SRD5A2: variants seen among roughly 807,000 people sequenced by gnomAD.
SRD5A2 encodes the protein 3-oxo-5-alpha-steroid 4-dehydrogenase 2.
SRD5A2 carries 30 observed loss-of-function variants against 27.4 expected under a neutral mutation model. The observed-to-expected ratio is 1.10, with a 90% CI of 0.82 to 1.49. The LOEUF (loss-of-function observed/expected upper bound fraction) is 1.49. Among genes scored for constraint, SRD5A2 ranks in the 40% most tolerant of loss-of-function variants. The pLI is 0.00. For synonymous variants in SRD5A2, 141 were observed against 133.6 expected (o/e 1.06, Z -0.38); for missense variants, 348 against 323.4 (o/e 1.08, Z -0.58).
intron 1 of SRD5A2, among the ~76,000 whole-genome samples, chr2:31,567,623 TACTTTGTGTC>T (rs1272365064): frequency 6.6e-6 from 1 of 152,172 alleles, no homozygotes; most frequent in African/African-American, 2.4e-5. Context: ...ACCACTGATG[TACTTTGTGTC>T]ACCATAGATT....
chr2:31,600,330 T>A, the SRD5A2 span, among the ~76,000 whole-genome samples: 2 of 152,002 alleles, frequency 1.3e-5, no homozygotes, highest in African/African-American at 2.4e-5. Flanking sequence ...TGATTTATAT[T>A]CCTTTGGTAA....
Position 31,523,453 on chromosome 2 carries a change from A to T in SRD5A2, c.*2743T>A. 4.5e-6 allele frequency: 1 copy of T among 221,066 alleles called. No individual in the cohort carries two copies. Among genetic ancestry groups the T allele is most frequent in the East Asian group, 6.6e-5 (1 of 15,132 alleles). 13.7% of individuals were successfully genotyped at this position (221,066 alleles called of 1,614,324 possible). ...ACAAAATGAGATGGCTGCTCTGACCAGCTCTGTACCAGCTGTGAGGAGGCC... is the reference window on the plus strand; with the variant it reads ...ACAAAATGAGATGGCTGCTCTGACCTGCTCTGTACCAGCTGTGAGGAGGCC... On this transcript the variant is annotated 3_prime_UTR_variant, in exon 5 of 5. Coordinates refer to ENST00000622030, the MANE Select transcript of SRD5A2 (RefSeq NM_000348.4).
In SRD5A2 at chr2:31,524,229, T is replaced by G; in HGVS notation, c.*1967A>C. 2 of 226,252 alleles carry G rather than the reference T, an allele frequency of 8.8e-6. No individual in the cohort carries two copies. Among genetic ancestry groups the G allele is most frequent in the East Asian group, 1.3e-4 (2 of 15,680 alleles). 14.0% of individuals were successfully genotyped at this position (226,252 alleles called of 1,614,324 possible). The stretch of plus-strand genomic sequence containing the variant: ...TCAATGTCATGGAGAGAACTGGAAG[T>G]CTTTTATGTCACAGAGCTCAAGCTA... On this transcript the variant is annotated 3_prime_UTR_variant, in exon 5 of 5. Coordinates refer to ENST00000622030, the MANE Select transcript of SRD5A2 (RefSeq NM_000348.4).
At chr2:31,541,076 G>C (rs116750465) in intron 1 of SRD5A2, among the ~76,000 whole-genome samples, 2,427 of 152,224 alleles carry the variant, frequency 0.016, 26 homozygotes, top group Middle Eastern at 0.034. Flanking sequence ...TTGGGAGCCA[G>C]ATATTAAAGA....
chr2:31,538,325 T>G (rs539152857), intron 1 of SRD5A2, among the ~76,000 whole-genome samples: 1 of 152,090 alleles, frequency 6.6e-6, no homozygotes, highest in Non-Finnish European at 1.5e-5. Flanking sequence ...CTCTCTCTCA[T>G]TCTCTCACAC....
chr2:31,557,059 T>C (rs932994993), intron 1 of SRD5A2, among the ~76,000 whole-genome samples: 1 of 152,186 alleles, frequency 6.6e-6, no homozygotes, highest in African/African-American at 2.4e-5. Context: ...CACATAATTA[T>C]GAGATATCAG....
At chr2:31,621,855 C>T in the SRD5A2 span, among the ~76,000 whole-genome samples, 2 of 152,202 alleles carry the variant, frequency 1.3e-5, no homozygotes, top group East Asian at 1.9e-4. Context: ...GTTGGCCAAG[C>T]TGGTCTCAAA....
the SRD5A2 span, among the ~76,000 whole-genome samples, chr2:31,596,385 C>CAAA: frequency 4.1e-4 from 26 of 63,666 alleles, no homozygotes; most frequent in Admixed American, 1.4e-3. Context: ...AAGACTCCAC[C>CAAA]AAAAAAAAAA....
At chr2:31,552,386 C>T (rs1311496703) in intron 1 of SRD5A2, among the ~76,000 whole-genome samples, 1 of 151,962 alleles carries the variant, frequency 6.6e-6, no homozygotes, top group African/African-American at 2.4e-5. Context: ...GACCATCCGG[C>T]ATCCCAGTCT....
chr2:31,593,911 A>G, the SRD5A2 span, among the ~76,000 whole-genome samples: 8 of 152,200 alleles, frequency 5.3e-5, no homozygotes, highest in Non-Finnish European at 1.0e-4. Context: ...AAACAAAATA[A>G]CTATCAGCCA....
the SRD5A2 span, among the ~76,000 whole-genome samples, chr2:31,602,393 C>T: frequency 6.6e-6 from 1 of 151,968 alleles, no homozygotes; most frequent in Non-Finnish European, 1.5e-5. Context: ...AACCACTGCT[C>T]AAAGAAATAA....
upstream of SRD5A2, among the ~76,000 whole-genome samples, chr2:31,583,650 ACCAAAAAAAAAG>A (rs1558379499): frequency 3.2e-4 from 9 of 28,518 alleles, no homozygotes; most frequent in African/African-American, 7.1e-4. Context: ...CAAAAAAAAA[ACCAAAAAAAAAG>A]CAAAAAAAAA....
At chr2:31,573,570 A>C (rs1558375071) in intron 1 of SRD5A2, among the ~76,000 whole-genome samples, 1 of 152,202 alleles carries the variant, frequency 6.6e-6, no homozygotes, top group South Asian at 2.1e-4. Context: ...TTTGTATTCC[A>C]TCTAGTAACA....
the SRD5A2 span, among the ~76,000 whole-genome samples, chr2:31,605,238 G>A: frequency 6.6e-6 from 1 of 151,796 alleles, no homozygotes; most frequent in Non-Finnish European, 1.5e-5. Flanking sequence ...TTGGTCTAGG[G>A]AAAGATTTCT....
chr2:31,645,483 A>G, the SRD5A2 span, among the ~76,000 whole-genome samples: 1 of 152,168 alleles, frequency 6.6e-6, no homozygotes, highest in African/African-American at 2.4e-5. Context: ...ATGGTCATCT[A>G]TTTGTTATTT....
chr2:31,627,772 A>G, the SRD5A2 span, among the ~76,000 whole-genome samples: 5 of 152,004 alleles, frequency 3.3e-5, no homozygotes, highest in African/African-American at 1.2e-4. Context: ...ACTTAATTGT[A>G]TGGTTTTGAG....
chr2:31,540,553 G>A (rs1230224367), intron 1 of SRD5A2, among the ~76,000 whole-genome samples: 2 of 152,166 alleles, frequency 1.3e-5, no homozygotes, highest in African/African-American at 2.4e-5. Context: ...GAGCATCCTG[G>A]GGAGCTGCAA....
the SRD5A2 span, among the ~76,000 whole-genome samples, chr2:31,613,587 A>G: frequency 6.6e-6 from 1 of 152,196 alleles, no homozygotes; most frequent in South Asian, 2.1e-4. Flanking sequence ...TATTATAGGC[A>G]TTTTGGAAAG....
the SRD5A2 span, among the ~76,000 whole-genome samples, chr2:31,593,819 A>C: frequency 2.6e-5 from 4 of 152,338 alleles, no homozygotes; most frequent in East Asian, 7.7e-4. Flanking sequence ...TCTATAAAGA[A>C]AAACCTGTCA....
Sources: allele counts gnomAD v4.1 joint callset (sites outside exome capture counted in the v4.1 genomes callset), GRCh38; gene constraint gnomAD v4.1.1; transcripts MANE v1.5; gene names NCBI Gene and HGNC (gene_info 2026-07-23, HGNC 2026-07-21).